Variants in MOBP observed in about 807,000 individuals in gnomAD.
MOBP encodes the protein myelin-associated oligodendrocyte basic protein.
Under a neutral mutation model 15.0 loss-of-function variants are expected in MOBP, and 5 were observed. The observed-to-expected ratio is 0.33, with a 90% CI of 0.17 to 0.70. The LOEUF (loss-of-function observed/expected upper bound fraction) is 0.70, where lower values mean the gene tolerates loss of function less well. Among genes scored for constraint, MOBP ranks in the 30% least tolerant of loss-of-function variants. MOBP has a pLI of 0.67. For missense variants in MOBP, 188 were observed against 257.8 expected (o/e 0.73, Z 1.85); for synonymous variants, 88 against 99.0 (o/e 0.89, Z 0.66).
chr3:39,479,513 T>C (rs1346093480), intron 1 of MOBP, among the ~76,000 whole-genome samples: 3 of 152,066 alleles, frequency 2.0e-5, no homozygotes. Flanking sequence ...ATTAATATCC[T>C]CTGGAAGTTC....
chr3:39,493,385 C>A (rs1360609695), intron 2 of MOBP, among the ~76,000 whole-genome samples: 2 of 145,036 alleles, frequency 1.4e-5, no homozygotes, highest in Non-Finnish European at 3.0e-5. Flanking sequence ...TTCACAAAAT[C>A]TTTTTTTTTT....
chr3:39,485,577 C>G (rs534982630), intron 2 of MOBP, among the ~76,000 whole-genome samples: 1 of 152,296 alleles, frequency 6.6e-6, no homozygotes, highest in South Asian at 2.1e-4. Context: ...TTTGGACCCC[C>G]AGTTATTATT....
downstream of MOBP, among the ~76,000 whole-genome samples, chr3:39,503,553 A>T (rs866598700): frequency 2.8e-3 from 382 of 137,800 alleles, no homozygotes; most frequent in Non-Finnish European, 4.2e-3. Context: ...TCTGTAGGCT[A>T]TTTTTTTTTT....
At chr3:39,479,094 T>G (rs1575287451) in intron 1 of MOBP, among the ~76,000 whole-genome samples, 1 of 152,092 alleles carries the variant, frequency 6.6e-6, no homozygotes, top group Non-Finnish European at 1.5e-5. Context: ...TCCCAAAGTG[T>G]TGGGATTATA....
chr3:39,507,454 C>T (rs2043062438), downstream of MOBP, among the ~76,000 whole-genome samples: 1 of 152,122 alleles, frequency 6.6e-6, no homozygotes, highest in African/African-American at 2.4e-5. Flanking sequence ...TAAGTCTCCT[C>T]CATAGCACAT....
chr3:39,470,736 C>T (rs2042457508), intron 1 of MOBP, among the ~76,000 whole-genome samples: 1 of 151,804 alleles, frequency 6.6e-6, no homozygotes, highest in African/African-American at 2.4e-5. Flanking sequence ...TTAGTTTTTC[C>T]TCCTCTTTGT....
At chr3:39,521,515 C>T (rs537962927) in intron 3 of MOBP, among the ~76,000 whole-genome samples, 28 of 152,096 alleles carry the variant, frequency 1.8e-4, no homozygotes, top group African/African-American at 6.7e-4. Flanking sequence ...TTTTGGAGCC[C>T]CTTTCATGGA....
intron 1 of MOBP, among the ~76,000 whole-genome samples, chr3:39,469,325 T>TGG (rs2042433415): frequency 6.6e-6 from 1 of 150,580 alleles, no homozygotes; most frequent in Admixed American, 6.6e-5. Context: ...TATATCTAAT[T>TGG]AATTTTAATT....
downstream of MOBP, chr3:39,528,553 G>T (rs1281047137): frequency 6.6e-6 from 1 of 152,232 alleles, no homozygotes; most frequent in East Asian, 1.9e-4. Flanking sequence ...TACTGAAAAG[G>T]CTGTGTATTG....
intron 2 of MOBP, among the ~76,000 whole-genome samples, chr3:39,489,692 C>CA (rs2042767186): frequency 2.0e-5 from 3 of 151,440 alleles, no homozygotes; most frequent in African/African-American, 7.3e-5. Context: ...TTGTTCCCCG[C>CA]CCAGCTCCTG....
chr3:39,470,222 G>T (rs1177574738), intron 1 of MOBP, among the ~76,000 whole-genome samples: 2 of 152,150 alleles, frequency 1.3e-5, no homozygotes, highest in African/African-American at 4.8e-5. Context: ...TTTCCTACAT[G>T]TTCTAGTACT....
chr3:39,494,782 G>A lies in MOBP; in HGVS notation c.-4-7284G>A, dbSNP rs1407438798. Among the ~76,000 whole-genome samples the A allele has an allele frequency of 4.3e-4, 37 of 85,932 alleles. 1 individual carries two copies. The highest frequency in any genetic ancestry group is 9.6e-4 in the South Asian group (2 of 2,090). The allele number at this position is 85,932 out of a possible 152,430, so 56.4% of individuals were successfully genotyped here. On this transcript the variant is annotated intron_variant, in intron 2 of 3. Transcript: ENST00000684792. ...CTTTATTTCATTTCATATTTTCAAAGCCCCCCCCCGCCCCCCGAGTTACGT... is the reference window on the plus strand; with the variant it reads ...CTTTATTTCATTTCATATTTTCAAAACCCCCCCCCGCCCCCCGAGTTACGT...
chr3:39,500,595 T>G (rs1460083172), intron 2 of MOBP, among the ~76,000 whole-genome samples: 1 of 152,166 alleles, frequency 6.6e-6, no homozygotes, highest in Non-Finnish European at 1.5e-5. Context: ...TAGAGTCATT[T>G]TTCCTTGGGA....
At chr3:39,484,933 C>CA (rs1416860837) in intron 2 of MOBP, among the ~76,000 whole-genome samples, 1 of 152,176 alleles carries the variant, frequency 6.6e-6, no homozygotes, top group Non-Finnish European at 1.5e-5. Context: ...TAAAACAAAG[C>CA]AAAACAATGA....
At chr3:39,505,162 G>A (rs553118958), downstream of MOBP, among the ~76,000 whole-genome samples, 1 of 152,194 alleles carries the variant, frequency 6.6e-6, no homozygotes, top group Non-Finnish European at 1.5e-5. Flanking sequence ...GGTTTAACAG[G>A]TATGTCCTGG....
At chr3:39,509,949 G>A (rs942808919) in intron 4 of MOBP, among the ~76,000 whole-genome samples, 1 of 151,804 alleles carries the variant, frequency 6.6e-6, no homozygotes, top group African/African-American at 2.4e-5. Flanking sequence ...TAAATTCTAG[G>A]TTTTACTTTT....
At chr3:39,491,672 G>A (rs2125643396) in intron 2 of MOBP, among the ~76,000 whole-genome samples, 1 of 152,292 alleles carries the variant, frequency 6.6e-6, no homozygotes, top group Non-Finnish European at 1.5e-5. Flanking sequence ...TGAGCCTCAG[G>A]TTTGGTGCCT....
intron 4 of MOBP, among the ~76,000 whole-genome samples, chr3:39,512,624 A>G (rs965327146): frequency 6.6e-6 from 1 of 152,230 alleles, no homozygotes; most frequent in African/African-American, 2.4e-5. Context: ...AATATTAAAA[A>G]CTTTCCAAAT....
At chr3:39,467,841 G>A (rs913824502) in intron 1 of MOBP, 101 bp downstream of exon 1, 7 of 152,116 alleles carry the variant, frequency 4.6e-5, no homozygotes, top group African/African-American at 1.7e-4. Context: ...ATATCCCAGG[G>A]AAAACTTTCT....
Sources: gnomAD v4.1 joint callset for allele counts (sites outside exome capture counted in the v4.1 genomes callset) on GRCh38, gnomAD v4.1.1 for gene constraint, MANE v1.5 for transcripts, NCBI Gene and HGNC (gene_info 2026-07-23, HGNC 2026-07-21) for gene names.